The following PDE10A variants were observed in gnomAD, a reference collection of about 807,000 sequenced individuals.
PDE10A encodes phosphodiesterase 10A, also known as cAMP and cAMP-inhibited cGMP 3',5'-cyclic phosphodiesterase 10A.
PDE10A carries 39 observed loss-of-function variants against 97.7 expected under a neutral mutation model. The observed-to-expected ratio is 0.40, with a 90% CI of 0.31 to 0.52. The LOEUF (loss-of-function observed/expected upper bound fraction) is 0.52, where lower values mean the gene tolerates loss of function less well. Among genes scored for constraint, PDE10A ranks in the 20% least tolerant of loss-of-function variants. The probability of loss-of-function intolerance (pLI) is 0.56; values close to 1 mark genes in which losing one functional copy is unlikely to be tolerated. For missense variants in PDE10A, 731 were observed against 1,047.8 expected (o/e 0.70, Z 4.17); for synonymous variants, 371 against 376.8 (o/e 0.98, Z 0.18).
chr6:165,714,136 C>G (rs1349882482), intron 1 of PDE10A, among the ~76,000 whole-genome samples: 3 of 152,160 alleles, frequency 2.0e-5, no homozygotes, highest in Non-Finnish European at 4.4e-5. Context: ...GGCAGGGGTC[C>G]CCTATTGCGT....
chr6:165,926,960 T>C lies in PDE10A; in HGVS notation c.-615+60569A>G, dbSNP rs143461665. 1.1e-4 allele frequency among the ~76,000 whole-genome samples: 17 copies of C among 152,084 alleles called. No individual in the cohort carries two copies. The East Asian group carries it at 3.3e-3, about 29-fold the overall frequency. ...TTTACTTACTATAGAAACAAACTTA[T>C]GGAAGCATGTTAAGATTCATTAAAA... On this transcript the variant is annotated intron_variant, in intron 1 of 19. Coordinates refer to the PDE10A transcript ENST00000366882.
At chr6:165,537,127 A>G (rs1352217275) in intron 2 of PDE10A, among the ~76,000 whole-genome samples, 7 of 151,974 alleles carry the variant, frequency 4.6e-5, no homozygotes, top group Non-Finnish European at 1.0e-4. Flanking sequence ...ATACAACCCT[A>G]TCATTTGCAG....
chr6:165,642,549 G>C (rs1467821223), intron 1 of PDE10A, among the ~76,000 whole-genome samples: 1 of 152,184 alleles, frequency 6.6e-6, no homozygotes, highest in Non-Finnish European at 1.5e-5. Flanking sequence ...AATCATTCTG[G>C]TTACAACAGT....
intron 1 of PDE10A, among the ~76,000 whole-genome samples, chr6:165,725,982 C>T (rs1465482248): frequency 6.6e-6 from 1 of 152,220 alleles, no homozygotes; most frequent in African/African-American, 2.4e-5. Flanking sequence ...GTTCAATTGG[C>T]ACTACCCATG....
intron 15 of PDE10A, 148 bp downstream of exon 15, chr6:165,395,033 T>TA (rs1786046262): frequency 1.9e-6 from 1 of 528,424 alleles, no homozygotes; most frequent in Non-Finnish European, 3.4e-6. Flanking sequence ...AGCCCTTTTT[T>TA]ATTGGAATAT....
chr6:165,634,882 T>C (rs1379314335), intron 1 of PDE10A, among the ~76,000 whole-genome samples: 1 of 152,190 alleles, frequency 6.6e-6, no homozygotes, highest in Admixed American at 6.5e-5. Context: ...CCAGAACCCA[T>C]GCTTCACACT....
chr6:165,522,912 G>A (rs1287561409), intron 2 of PDE10A, among the ~76,000 whole-genome samples: 2 of 151,856 alleles, frequency 1.3e-5, no homozygotes, highest in African/African-American at 4.8e-5. Context: ...CTGATAAATG[G>A]CATCAATAAA....
intron 2 of PDE10A, among the ~76,000 whole-genome samples, chr6:165,500,319 C>T (rs1035623300): frequency 6.6e-6 from 1 of 152,030 alleles, no homozygotes; most frequent in Non-Finnish European, 1.5e-5. Flanking sequence ...ACTGTGTCTA[C>T]GCAGAAAGAA....
intron 2 of PDE10A, among the ~76,000 whole-genome samples, chr6:165,483,371 A>G (rs1562509035): frequency 6.6e-6 from 1 of 152,196 alleles, no homozygotes; most frequent in Non-Finnish European, 1.5e-5. Flanking sequence ...ACTTGCTCAT[A>G]TATTTTCTTA....
At chr6:165,931,017 C>A (rs1783117518) in intron 1 of PDE10A, among the ~76,000 whole-genome samples, 1 of 152,234 alleles carries the variant, frequency 6.6e-6, no homozygotes, top group Non-Finnish European at 1.5e-5. Flanking sequence ...TGTTAGGAAC[C>A]TTCTCATGCC....
chr6:165,374,793 C>T (rs1016426543), intron 18 of PDE10A, among the ~76,000 whole-genome samples: 1 of 147,504 alleles, frequency 6.8e-6, no homozygotes. Context: ...TTTGTGGCAA[C>T]CTTGGGTACA....
chr6:165,950,686 G>A (rs1783926214), intron 1 of PDE10A, among the ~76,000 whole-genome samples: 1 of 152,168 alleles, frequency 6.6e-6, no homozygotes, highest in African/African-American at 2.4e-5. Context: ...CCAGGAGTGG[G>A]TACCCATGGA....
intron 13 of PDE10A, among the ~76,000 whole-genome samples, chr6:165,404,154 C>A (rs1786912041): frequency 6.6e-6 from 1 of 152,120 alleles, no homozygotes; most frequent in Admixed American, 6.5e-5. Context: ...TCACAGGTAT[C>A]CAACTATTCT....
chr6:165,587,490 C>G (rs1785985162), intron 1 of PDE10A, among the ~76,000 whole-genome samples: 1 of 152,102 alleles, frequency 6.6e-6, no homozygotes, highest in African/African-American at 2.4e-5. Flanking sequence ...ATTCCCTAAA[C>G]AGACAAAGGA....
intron 18 of PDE10A, among the ~76,000 whole-genome samples, chr6:165,374,084 G>T (rs1784446526): frequency 9.1e-6 from 1 of 109,604 alleles, no homozygotes; most frequent in Non-Finnish European, 1.8e-5. Context: ...CTGTTGTGGG[G>T]TGGGGGGAGG....
intron 1 of PDE10A, among the ~76,000 whole-genome samples, chr6:165,719,291 A>G (rs1363807024): frequency 8.5e-5 from 13 of 152,204 alleles, no homozygotes; most frequent in East Asian, 5.8e-4. Context: ...AGACTGGCCC[A>G]AGGAACGTTC....
At chr6:165,396,245 T>C (rs1367179701) in intron 14 of PDE10A, 72 bp downstream of exon 14, 2 of 1,403,148 alleles carry the variant, frequency 1.4e-6, no homozygotes, top group African/African-American at 1.4e-5. Context: ...TCTAATTCTA[T>C]AATCTGTCTC....
intron 1 of PDE10A, among the ~76,000 whole-genome samples, chr6:165,578,904 T>C (rs1785464095): frequency 2.0e-5 from 3 of 152,210 alleles, no homozygotes; most frequent in African/African-American, 4.8e-5. Context: ...ATGAGGTCTA[T>C]AGGAAAAAGA....
chr6:165,689,409 T>G (rs1791210136), intron 1 of PDE10A, among the ~76,000 whole-genome samples: 1 of 152,214 alleles, frequency 6.6e-6, no homozygotes, highest in African/African-American at 2.4e-5. Context: ...TGATACAGTT[T>G]GGATGTCTGT....
Sources: gnomAD v4.1 joint callset for allele counts (sites outside exome capture counted in the v4.1 genomes callset) on GRCh38, gnomAD v4.1.1 for gene constraint, MANE v1.5 for transcripts, NCBI Gene and HGNC (gene_info 2026-07-23, HGNC 2026-07-21) for gene names.